Variants in SNX5 observed in about 807,000 individuals in gnomAD.
SNX5 encodes sorting nexin-5.
In SNX5, 31 loss-of-function variants were observed where a neutral mutation model predicts 53.9. That is an observed-to-expected ratio of 0.58 (90% CI 0.43 to 0.78). The LOEUF (loss-of-function observed/expected upper bound fraction) is 0.78, where lower values mean the gene tolerates loss of function less well. Ranked by LOEUF, SNX5 falls within the 30% of genes least tolerant of loss-of-function variation. The pLI is 0.00. For synonymous variants in SNX5, 168 were observed against 171.1 expected, an observed-to-expected ratio of 0.98 and a Z score of 0.14; for missense variants, 471 against 478.8, an observed-to-expected ratio of 0.98 and a Z score of 0.15.
chr20:17,961,752 ATG>A, intron 1 of SNX5: 2 of 985,314 alleles, frequency 2.0e-6, no homozygotes, highest in African/African-American at 3.5e-5. Context: ...TTGTTTTGTT[ATG>A]TTTCATTCCA....
At position 17,952,676 on chromosome 20, in the gene SNX5, A is replaced by T. The variant is rs149308583; in HGVS notation, c.424T>A (p.Ser142Thr). 8.7e-5 allele frequency: 140 copies of T among 1,614,020 alleles called. No individual in the cohort carries two copies. In the African/African-American group the frequency reaches 1.5e-3, roughly 18 times the overall value. Residue 142 changes from serine (S) to threonine (T), a missense_variant, in exon 5 of 13, where the codon TCC (serine) becomes ACC (threonine). Transcript: ENST00000377759. ...YLAVFKKTVS[S>T]HEVFLQRLSS... ...AGCCGCTGAAGAAAGACTTCATGGG[A>T]GGACACAGTCTTCTTAAACACAGCG...
chr20:17,950,748 T>C (rs76085180), intron 6 of SNX5, among the ~76,000 whole-genome samples: 14,392 of 152,266 alleles, frequency 0.095, 863 homozygotes, highest in Middle Eastern at 0.15. Context: ...TTTTTCTCGA[T>C]TGGTTTCAGA....
At chr20:17,947,320 G>A (rs931433661) in intron 11 of SNX5, 166 bp downstream of exon 11, 52 of 661,126 alleles carry the variant, frequency 7.9e-5, no homozygotes, top group African/African-American at 1.3e-4. Context: ...TTGTAAGCAC[G>A]CAAAGCCATG....
intron 5 of SNX5, 135 bp downstream of exon 5, chr20:17,952,452 G>A: frequency 1.2e-6 from 1 of 849,604 alleles, no homozygotes; most frequent in Non-Finnish European, 1.7e-6. Context: ...GACTTACAAT[G>A]AAGGAAAAGC....
At chr20:17,967,914 T>A in intron 1 of SNX5, 1 of 395,628 alleles carries the variant, frequency 2.5e-6, no homozygotes, top group Non-Finnish European at 4.4e-6. Context: ...TTGATGCAAT[T>A]TCCCAAGTTG....
rs1450715208 is a variant in SNX5, at chr20:17,948,915, T to C, written c.893A>G (p.Tyr298Cys). The change falls in exon 10 of 13, where the codon TAC (tyrosine) becomes TGC (cysteine). Residue 298 changes from tyrosine to cysteine, a missense_variant. Coordinates refer to ENST00000377759, the MANE Select transcript of SNX5 (RefSeq NM_014426.4). ...CTTAGCAGCTTCAATGTTGAGCATGTAGTATCGGAGGAGCTCTGTTAGCTT... is the reference window on the plus strand; with the variant it reads ...CTTAGCAGCTTCAATGTTGAGCATGCAGTATCGGAGGAGCTCTGTTAGCTT... The part of the protein sequence containing the change: ...DLKLTELLRY[Y>C]MLNIEAAKDL... 1.2e-6 allele frequency: 2 copies of C among 1,611,920 alleles called. No individual in the cohort carries two copies. Among genetic ancestry groups the C allele is most frequent in the Non-Finnish European group, 1.7e-6 (2 of 1,179,790 alleles).
chr20:17,953,866 A>AC, intron 4 of SNX5, 130 bp downstream of exon 4: 1 of 730,460 alleles, frequency 1.4e-6, no homozygotes, highest in Non-Finnish European at 2.3e-6. Flanking sequence ...GTTTTAGAAA[A>AC]CGACGCTAGG....
chr20:17,964,196 G>C (rs185681161), intron 1 of SNX5, among the ~76,000 whole-genome samples: 21 of 152,308 alleles, frequency 1.4e-4, no homozygotes, highest in Non-Finnish European at 2.5e-4. Flanking sequence ...CAATGTCCTA[G>C]CTCTGCGGTG....
intron 1 of SNX5, among the ~76,000 whole-genome samples, chr20:17,960,578 G>A (rs1396402225): frequency 6.7e-6 from 1 of 149,384 alleles, no homozygotes; most frequent in Non-Finnish European, 1.5e-5. Context: ...TGGGCGATGA[G>A]AGCGAAACTC....
chr20:17,962,790 G>T (rs749780594), intron 1 of SNX5: 2 of 519,238 alleles, frequency 3.9e-6, no homozygotes, highest in Non-Finnish European at 7.7e-6. Context: ...ATTCTTACCG[G>T]TAGCCTGCCA....
intron 1 of SNX5, among the ~76,000 whole-genome samples, chr20:17,958,486 G>A (rs1463365095): frequency 6.6e-6 from 1 of 152,154 alleles, no homozygotes; most frequent in Non-Finnish European, 1.5e-5. Context: ...AAAGCCAGAG[G>A]GAGCCTATTA....
chr20:17,958,895 T>A (rs997460745), intron 1 of SNX5, among the ~76,000 whole-genome samples: 2 of 152,222 alleles, frequency 1.3e-5, no homozygotes, highest in Admixed American at 1.3e-4. Context: ...CTTAGGCTTA[T>A]CTGTCAAGGT....
chr20:17,962,681 C>A, intron 1 of SNX5: 1 of 514,840 alleles, frequency 1.9e-6, no homozygotes, highest in South Asian at 1.4e-5. Flanking sequence ...CAGGCATCGG[C>A]TTAATAAAAA....
At chr20:17,967,512 GTAAGT>G (rs1365089000) in intron 1 of SNX5, among the ~76,000 whole-genome samples, 3 of 152,182 alleles carry the variant, frequency 2.0e-5, no homozygotes, top group Non-Finnish European at 4.4e-5. Context: ...CAAGAAATGT[GTAAGT>G]TAAGACGGCT....
intron 1 of SNX5, among the ~76,000 whole-genome samples, chr20:17,963,744 A>T (rs1297037755): frequency 6.6e-6 from 1 of 152,190 alleles, no homozygotes; most frequent in African/African-American, 2.4e-5. Context: ...TGATCAAACC[A>T]AGATGCACAG....
chr20:17,954,868 G>A lies in SNX5; in HGVS notation c.267+497C>T, dbSNP rs145989892. On this transcript the variant is annotated intron_variant, in intron 3 of 12. Coordinates refer to ENST00000377759, the MANE Select transcript of SNX5 (RefSeq NM_014426.4). Reference sequence around the variant, plus strand: ...TGGGACTACAGGTACGCACCACCACGCCCAGCAAATTTTTTGTATTTTTAG... The same window carrying A: ...TGGGACTACAGGTACGCACCACCACACCCAGCAAATTTTTTGTATTTTTAG... Among the ~76,000 whole-genome samples, 20 of 152,096 alleles carry A rather than the reference G, an allele frequency of 1.3e-4. No homozygotes were observed. The East Asian group carries it at 3.1e-3, about 24-fold the overall frequency.
intron 1 of SNX5, among the ~76,000 whole-genome samples, chr20:17,957,527 T>C (rs141790027): frequency 5.4e-4 from 82 of 152,336 alleles, no homozygotes; most frequent in African/African-American, 1.9e-3. Context: ...GGAAACCCAT[T>C]CTTCACATGC....
intron 1 of SNX5, among the ~76,000 whole-genome samples, chr20:17,967,157 G>C (rs561134293): frequency 6.6e-6 from 1 of 152,202 alleles, no homozygotes; most frequent in South Asian, 2.1e-4. Flanking sequence ...TGAAGCAATT[G>C]AGTCCTTTTA....
chr20:17,955,355 A>G lies in SNX5; in HGVS notation c.267+10T>C, dbSNP rs534893513. 29 of 1,593,914 alleles carry G rather than the reference A, an allele frequency of 1.8e-5. 1 individual carries two copies. In the South Asian group the frequency reaches 2.9e-4, roughly 16 times the overall value. On this transcript the variant is annotated intron_variant, in intron 3 of 12. Coordinates refer to ENST00000377759, the MANE Select transcript of SNX5 (RefSeq NM_014426.4). ...AAGAACTAGCTTATTTGATTTTCTA[A>G]AAGACTCACAATAAGCCCAGCATAG...
Sources: gnomAD v4.1 joint callset for allele counts (sites outside exome capture counted in the v4.1 genomes callset) on GRCh38, gnomAD v4.1.1 for gene constraint, MANE v1.5 for transcripts, NCBI Gene and HGNC (gene_info 2026-07-23, HGNC 2026-07-21) for gene names.